Variants in TIMM23 observed in about 807,000 individuals in gnomAD.
The protein encoded by TIMM23 is translocase of inner mitochondrial membrane 23.
A neutral mutation model predicts 30.7 loss-of-function variants in TIMM23; 19 were observed. The ratio of observed to expected loss-of-function variants is 0.62; its 90% CI spans 0.43 to 0.91. The LOEUF (loss-of-function observed/expected upper bound fraction) is 0.91. Ranked by LOEUF, TIMM23 falls within the 40% of genes least tolerant of loss-of-function variation. The pLI, the probability that TIMM23 is intolerant of heterozygous loss-of-function variation, is 0.00. For synonymous variants in TIMM23, 78 were observed against 98.5 expected (o/e 0.79, Z 1.23); for missense variants, 202 against 269.2 (o/e 0.75, Z 1.75).
At chr10:45,994,115 G>C (rs1838254877) in intron 6 of TIMM23, among the ~76,000 whole-genome samples, 1 of 152,052 alleles carries the variant, frequency 6.6e-6, no homozygotes, top group South Asian at 2.1e-4. Flanking sequence ...CGAGGCAGGT[G>C]GATCACCTGA....
intron 6 of TIMM23, among the ~76,000 whole-genome samples, chr10:46,001,553 GGTTA>G (rs781859181): frequency 3.9e-5 from 6 of 152,106 alleles, no homozygotes; most frequent in Admixed American, 3.3e-4. Context: ...TTGCAGAAAT[GGTTA>G]GTTCTGAAAT....
rs201733100 is a variant in TIMM23, at chr10:45,990,605, C to T, written c.514+1758C>T. 626 of 370,742 alleles carry T rather than the reference C, an allele frequency of 1.7e-3. 10 individuals are homozygous for T. In the East Asian group the frequency reaches 0.04, roughly 24 times the overall value. The allele number at this position is 370,742 out of a possible 1,614,324, so 23.0% of individuals were successfully genotyped here. On this transcript the variant is annotated intron_variant, in intron 6 of 6. Transcript: ENST00000580018. ...GCTAATTATTTTTTTTTTTCTTTAT[C>T]GGAGATGGGGTCTCACTGTGTTGCC...
chr10:45,984,096 C>CAAAA (rs1271757145), intron 4 of TIMM23, among the ~76,000 whole-genome samples: 1 of 138,748 alleles, frequency 7.2e-6, no homozygotes, highest in Non-Finnish European at 1.6e-5. Context: ...CCATGCTTTA[C>CAAAA]CAGCCTAGAT....
chr10:45,986,623 G>C (rs1342437886), intron 5 of TIMM23, among the ~76,000 whole-genome samples: 1 of 152,232 alleles, frequency 6.6e-6, no homozygotes, highest in Non-Finnish European at 1.5e-5. Flanking sequence ...CAAGGGGCAA[G>C]TGTAGCTATA....
In TIMM23 at chr10:45,972,741, G is replaced by A. The variant is rs1554912050; in HGVS notation, c.106+11G>A. The A allele has an allele frequency of 6.2e-7, 1 of 1,613,706 alleles. No homozygotes were observed. On this transcript the variant is annotated intron_variant, in intron 1 of 6. Transcript: ENST00000580018. ...TGGCTGGCGTCCCGCGTAAGTATGG[G>A]GCCTAGCTTGCGATTATTTCTGACT...
intron 6 of TIMM23, among the ~76,000 whole-genome samples, chr10:45,999,325 T>C (rs1448017512): frequency 1.3e-5 from 2 of 152,108 alleles, no homozygotes; most frequent in Non-Finnish European, 1.5e-5. Context: ...CATTTTTTTG[T>C]ACAGATGGGT....
chr10:45,989,752 TC>T (rs1268241958), intron 6 of TIMM23, among the ~76,000 whole-genome samples: 1 of 152,210 alleles, frequency 6.6e-6, no homozygotes, highest in Admixed American at 6.5e-5. Flanking sequence ...AGCATCTTAT[TC>T]CTATGATCAT....
chr10:45,989,272 C>T (rs1838086316), intron 6 of TIMM23, among the ~76,000 whole-genome samples: 2 of 152,140 alleles, frequency 1.3e-5, no homozygotes, highest in South Asian at 2.1e-4. Context: ...GCATAATATC[C>T]TCAAGGTTCA....
chr10:45,983,020 T>C, intron 4 of TIMM23, 90 bp downstream of exon 4: 1 of 1,554,598 alleles, frequency 6.4e-7, no homozygotes. Context: ...AGATTACAGA[T>C]GGTTAGCATA....
intron 6 of TIMM23, among the ~76,000 whole-genome samples, chr10:45,996,702 C>G (rs1554916767): frequency 6.6e-6 from 1 of 152,060 alleles, no homozygotes; most frequent in African/African-American, 2.4e-5. Flanking sequence ...AACAGCCATA[C>G]AGGCTGGGTG....
intron 6 of TIMM23, 40 bp from the exon 7 acceptor site, chr10:46,003,163 T>C (rs781863628): frequency 2.0e-6 from 3 of 1,494,232 alleles, no homozygotes; most frequent in Admixed American, 1.7e-5. Flanking sequence ...CACTATGCAA[T>C]ATACAGCTAT....
At chr10:45,989,432 T>C (rs1342569715) in intron 6 of TIMM23, among the ~76,000 whole-genome samples, 4 of 152,246 alleles carry the variant, frequency 2.6e-5, no homozygotes, top group Non-Finnish European at 5.9e-5. Flanking sequence ...ATAATGCTGC[T>C]ACGAATATGG....
intron 5 of TIMM23, among the ~76,000 whole-genome samples, chr10:45,987,019 T>C (rs1838011684): frequency 6.6e-6 from 1 of 152,174 alleles, no homozygotes; most frequent in Non-Finnish European, 1.5e-5. Flanking sequence ...GATTTACTTA[T>C]TAGTGAAAAT....
chr10:45,978,075 G>A (rs1442302635), intron 2 of TIMM23, among the ~76,000 whole-genome samples: 1 of 152,056 alleles, frequency 6.6e-6, no homozygotes, highest in Non-Finnish European at 1.5e-5. Context: ...AAAAGTCCTG[G>A]CGCAGTGGCT....
At position 45,972,695 on chromosome 10, in the gene TIMM23, C is replaced by T; in HGVS notation, c.71C>T (p.Ala24Val). 1 of 1,613,994 alleles carries T rather than the reference C, an allele frequency of 6.2e-7. No homozygotes were observed. Among genetic ancestry groups the T allele is most frequent in the Non-Finnish European group, 8.5e-7 (1 of 1,179,870 alleles). The change falls in exon 1 of 7, where the codon GCA becomes GTA. Residue 24 changes from alanine to valine, a missense_variant. Transcript: ENST00000580018. ...GCCGGCTTTTTCGGAGCCGGCGGAG[C>T]AGGTTACTCGCACGCGGATTTGGCT... ...GLAGFFGAGGAGYSHADLAGV... is the reference protein window; with the variant it reads ...GLAGFFGAGGVGYSHADLAGV...
chr10:45,996,815 A>G (rs1838348757), intron 6 of TIMM23, among the ~76,000 whole-genome samples: 1 of 151,586 alleles, frequency 6.6e-6, no homozygotes, highest in Non-Finnish European at 1.5e-5. Context: ...TATACAAAAA[A>G]TTAGCCGGGC....
intron 6 of TIMM23, among the ~76,000 whole-genome samples, chr10:45,995,244 C>A (rs1159572749): frequency 0.052 from 7,968 of 152,040 alleles, 273 homozygotes; most frequent in Non-Finnish European, 0.076. Flanking sequence ...AGGTCCTTGC[C>A]ACAGAAAGTT....
At chr10:45,999,996 C>T (rs1159083946) in intron 6 of TIMM23, among the ~76,000 whole-genome samples, 7 of 152,164 alleles carry the variant, frequency 4.6e-5, no homozygotes, top group South Asian at 2.1e-4. Flanking sequence ...GGCTCACTGG[C>T]GGTCAAAGTT....
intron 4 of TIMM23, chr10:45,984,704 C>T (rs1394745825): frequency 1.4e-5 from 5 of 353,666 alleles, no homozygotes; most frequent in African/African-American, 4.3e-5. Flanking sequence ...TTGCGTCCAT[C>T]ACTGTTCTGG....
Sources: allele counts gnomAD v4.1 joint callset (sites outside exome capture counted in the v4.1 genomes callset), GRCh38; gene constraint gnomAD v4.1.1; transcripts MANE v1.5; gene names NCBI Gene and HGNC (gene_info 2026-07-23, HGNC 2026-07-21).